The following VIT variants were observed in gnomAD, a reference collection of about 807,000 sequenced individuals.
The protein encoded by VIT is vitrin.
Under a neutral mutation model 78.0 loss-of-function variants are expected in VIT, and 99 were observed. That is an observed-to-expected ratio of 1.27 (90% CI 1.08 to 1.50). The LOEUF is 1.50. VIT is among the 40% of genes most tolerant of loss of function. VIT has a pLI of 0.00. For missense variants in VIT, 1,126 were observed against 875.3 expected (o/e 1.29, Z -3.61); for synonymous variants, 374 against 334.3 (o/e 1.12, Z -1.29).
chr2:36,726,346 AAC>A (rs1666843383), intron 2 of VIT, among the ~76,000 whole-genome samples: 3 of 152,268 alleles, frequency 2.0e-5, no homozygotes, highest in Non-Finnish European at 4.4e-5. Context: ...TAAGTTATTG[AAC>A]ATTGTAAAAA....
intron 11 of VIT, among the ~76,000 whole-genome samples, chr2:36,784,241 A>G (rs1434840830): frequency 6.6e-6 from 1 of 152,220 alleles, no homozygotes; most frequent in African/African-American, 2.4e-5. Flanking sequence ...GAAAGTCACT[A>G]CTAGTCAGCC....
At chr2:36,716,208 G>A (rs1450320712) in intron 1 of VIT, 145 bp from the exon 2 acceptor site, 1 of 576,676 alleles carries the variant, frequency 1.7e-6, no homozygotes, top group Non-Finnish European at 3.0e-6. Context: ...ACATCTCTAT[G>A]TGCTGCTTAT....
chr2:36,800,915 G>C (rs913489092), intron 12 of VIT, among the ~76,000 whole-genome samples: 4 of 152,120 alleles, frequency 2.6e-5, no homozygotes, highest in Non-Finnish European at 5.9e-5. Flanking sequence ...TTCTGGAGAG[G>C]GGGGTCTGGG....
chr2:36,803,582 A>C (rs751910467), intron 13 of VIT, among the ~76,000 whole-genome samples: 1 of 152,196 alleles, frequency 6.6e-6, no homozygotes, highest in Non-Finnish European at 1.5e-5. Context: ...TGGCTATAAA[A>C]GCAATTCTTA....
At chr2:36,756,658 T>C (rs1668784924) in intron 5 of VIT, among the ~76,000 whole-genome samples, 1 of 152,254 alleles carries the variant, frequency 6.6e-6, no homozygotes, top group Admixed American at 6.5e-5. Flanking sequence ...GACTGGTTTC[T>C]TTGTCAGATA....
intron 3 of VIT, among the ~76,000 whole-genome samples, chr2:36,737,308 G>A (rs1326960527): frequency 6.6e-6 from 1 of 152,192 alleles, no homozygotes; most frequent in Non-Finnish European, 1.5e-5. Context: ...CGGAAATGCA[G>A]CTGGAAGGTG....
chr2:36,760,355 C>A (rs564793556), intron 6 of VIT, among the ~76,000 whole-genome samples: 2 of 152,110 alleles, frequency 1.3e-5, no homozygotes, highest in South Asian at 2.1e-4. Context: ...ATTTGAGGAG[C>A]CTTAGCATAC....
intron 3 of VIT, among the ~76,000 whole-genome samples, chr2:36,730,015 G>T (rs1001413842): frequency 6.6e-6 from 1 of 152,166 alleles, no homozygotes; most frequent in African/African-American, 2.4e-5. Context: ...CTGGAATAAG[G>T]CCAGCGACGG....
chr2:36,792,905 AT>A (rs1292542382), intron 12 of VIT, among the ~76,000 whole-genome samples: 6 of 151,980 alleles, frequency 3.9e-5, no homozygotes, highest in African/African-American at 1.5e-4. Context: ...CCCATTGCTG[AT>A]TTTTATTATT....
At chr2:36,780,218 C>T (rs1664654101) in intron 9 of VIT, among the ~76,000 whole-genome samples, 1 of 152,218 alleles carries the variant, frequency 6.6e-6, no homozygotes, top group African/African-American at 2.4e-5. Flanking sequence ...AGGACAGGAG[C>T]AAGAGGCTTG....
chr2:36,743,131 C>T lies in VIT; in HGVS notation c.150C>T (p.Ala50=), dbSNP rs146980566. ...CTCAGATCAACTGCGATGTCAAAGC[C>T]GGAAAGATCATCGATCCTGAGTTCA... ...TVPQINCDVK[A]GKIIDPEFIV... Residue 50 remains alanine (A), a synonymous_variant, in exon 4 of 16, where the codon GCC becomes GCT. Transcript: ENST00000379242. 41 of 1,613,916 alleles carry T rather than the reference C, an allele frequency of 2.5e-5. No homozygotes were observed. In the African/African-American group the frequency reaches 4.3e-4, roughly 17 times the overall value.
chr2:36,810,990 T>G (rs1168897716), intron 15 of VIT, among the ~76,000 whole-genome samples: 2 of 152,262 alleles, frequency 1.3e-5, no homozygotes, highest in Non-Finnish European at 1.5e-5. Flanking sequence ...GGTTGAAAGC[T>G]ACTTTCATTT....
At chr2:36,701,105 T>TA (rs10650621) in intron 1 of VIT, among the ~76,000 whole-genome samples, 50,905 of 149,798 alleles carry the variant, frequency 0.34, 9,602 homozygotes, top group Middle Eastern at 0.51. Context: ...GAAATTTCTT[T>TA]AAAAAAAAAA....
chr2:36,748,245 A>G (rs768816516), intron 4 of VIT, among the ~76,000 whole-genome samples: 1 of 152,128 alleles, frequency 6.6e-6, no homozygotes, highest in Admixed American at 6.5e-5. Flanking sequence ...GATTTGCTGA[A>G]TTTCTTGAAT....
intron 15 of VIT, among the ~76,000 whole-genome samples, 175 bp from the exon 16 acceptor site, chr2:36,814,008 T>C (rs1667380839): frequency 6.6e-6 from 1 of 152,252 alleles, no homozygotes; most frequent in African/African-American, 2.4e-5. Flanking sequence ...TGAATGGCCA[T>C]ACTTAGTCTT....
At chr2:36,706,274 G>GT (rs1338453839) in intron 1 of VIT, among the ~76,000 whole-genome samples, 2 of 152,110 alleles carry the variant, frequency 1.3e-5, no homozygotes, top group Non-Finnish European at 2.9e-5. Flanking sequence ...CATTTTGAGT[G>GT]TTTTCATTTT....
At chr2:36,707,194 C>T (rs779208890) in intron 1 of VIT, among the ~76,000 whole-genome samples, 1 of 152,190 alleles carries the variant, frequency 6.6e-6, no homozygotes, top group Non-Finnish European at 1.5e-5. Flanking sequence ...AATGTATTAT[C>T]TCACATAACA....
At chr2:36,746,044 T>C (rs191396345) in intron 4 of VIT, among the ~76,000 whole-genome samples, 4 of 152,246 alleles carry the variant, frequency 2.6e-5, no homozygotes, top group African/African-American at 9.6e-5. Context: ...AAAAGCTTTT[T>C]CTGTGTCTAT....
intron 6 of VIT, among the ~76,000 whole-genome samples, chr2:36,766,346 C>T (rs954103299): frequency 1.0e-4 from 15 of 148,548 alleles, no homozygotes; most frequent in African/African-American, 3.4e-4. Flanking sequence ...CTAGGCAACA[C>T]AGGAAGATGC....
Sources: allele counts gnomAD v4.1 joint callset (sites outside exome capture counted in the v4.1 genomes callset), GRCh38; gene constraint gnomAD v4.1.1; transcripts MANE v1.5; gene names NCBI Gene and HGNC (gene_info 2026-07-23, HGNC 2026-07-21).